Variants in P2RX1 observed in about 807,000 individuals in gnomAD.
P2RX1 encodes the protein purinergic receptor P2X 1.
A neutral mutation model predicts 50.3 loss-of-function variants in P2RX1; 42 were observed. The observed-to-expected ratio is 0.83, with a 90% confidence interval of 0.65 to 1.08. The LOEUF (loss-of-function observed/expected upper bound fraction) is 1.08, where lower values mean the gene tolerates loss of function less well. Among genes scored for constraint, P2RX1 ranks in the 50% least tolerant of loss-of-function variants. The pLI is 0.00. For synonymous variants in P2RX1, 199 were observed against 202.6 expected, an observed-to-expected ratio of 0.98 and a Z score of 0.15; for missense variants, 449 against 529.0, an observed-to-expected ratio of 0.85 and a Z score of 1.48.
At position 3,897,356 on chromosome 17, in the gene P2RX1, G is replaced by A. The variant is rs2056047668; in HGVS notation, c.*458C>T. The A allele has an allele frequency of 7.7e-6, 2 of 259,914 alleles. No homozygotes were observed. The highest frequency in any genetic ancestry group is 1.6e-5 in the Non-Finnish European group (2 of 129,010). The allele number at this position is 259,914 out of a possible 1,614,324, so 16.1% of individuals were successfully genotyped here. A position where few individuals can be genotyped will look rare whatever the true frequency, so the allele number is the denominator to read the frequency against. Reference sequence around the variant, plus strand: ...CAGCCACTAACCACACGTATCTACTGAGCAGTTGAAATGTGGCTAGTTCAG... The same window carrying A: ...CAGCCACTAACCACACGTATCTACTAAGCAGTTGAAATGTGGCTAGTTCAG... On this transcript the variant is annotated 3_prime_UTR_variant, in exon 12 of 12. Coordinates refer to ENST00000225538, the MANE Select transcript of P2RX1 (RefSeq NM_002558.4).
Position 3,916,106 on chromosome 17 carries a change from G to T in P2RX1, c.120C>A (p.Val40=). ...GVIFRLIQLV[V]LVYVIGWVFL... is the part of the protein sequence containing the mutation. ...GGACTCACCCGATGACGTAGACCAGGACCACCAGCTGGATCAGTCGGAAGA... is the reference window on the plus strand; with the variant it reads ...GGACTCACCCGATGACGTAGACCAGTACCACCAGCTGGATCAGTCGGAAGA... The change falls in exon 1 of 12, where the codon GTC becomes GTA. Residue 40 remains valine (V), a synonymous_variant. Coordinates refer to ENST00000225538, the MANE Select transcript of P2RX1 (RefSeq NM_002558.4). 30 of 1,613,614 alleles carry T rather than the reference G, an allele frequency of 1.9e-5. No homozygotes were observed. Among genetic ancestry groups the T allele is most frequent in the Non-Finnish European group, 2.5e-5 (29 of 1,180,000 alleles).
intron 8 of P2RX1, 120 bp downstream of exon 8, chr17:3,899,514 G>A: frequency 7.3e-7 from 1 of 1,362,394 alleles, no homozygotes; most frequent in Middle Eastern, 2.5e-4. Flanking sequence ...GGCAGAATGA[G>A]AGCTGCCCAG....
At chr17:3,913,315 C>T (rs1400181448) in intron 1 of P2RX1, among the ~76,000 whole-genome samples, 7 of 152,032 alleles carry the variant, frequency 4.6e-5, no homozygotes, top group Middle Eastern at 3.4e-3. Context: ...TTAGTAGAGA[C>T]GGGGTTTCAC....
At chr17:3,912,912 G>T (rs2056389284) in intron 1 of P2RX1, among the ~76,000 whole-genome samples, 1 of 152,130 alleles carries the variant, frequency 6.6e-6, no homozygotes, top group Admixed American at 6.5e-5. Context: ...GAGGCGCAGG[G>T]GATGAGTGAG....
In P2RX1 at chr17:3,903,098, C is replaced by T. The variant is rs2056182564; in HGVS notation, c.747+104G>A. 3 of 1,502,316 alleles carry T rather than the reference C, an allele frequency of 2.0e-6. No individual in the cohort carries two copies. In the East Asian group the frequency reaches 6.9e-5, roughly 35 times the overall value. The allele number at this position is 1,502,316 out of a possible 1,614,324, so 93.1% of individuals were successfully genotyped here. ...CAGGGGACAGACCCATACATATACTCAGCCCTCACCGAGGAGACTTGGGAA... is the reference window on the plus strand; with the variant it reads ...CAGGGGACAGACCCATACATATACTTAGCCCTCACCGAGGAGACTTGGGAA... On this transcript the variant is annotated intron_variant, in intron 7 of 11. Coordinates refer to ENST00000225538, the MANE Select transcript of P2RX1 (RefSeq NM_002558.4). This position sits in a 1 kb window ranked among gnomAD's most constrained non-coding sequence, Gnocchi z 4.6.
Position 3,916,076 on chromosome 17 carries a change from C to T in P2RX1, c.137+13G>A, listed in dbSNP as rs563955596. The T allele has an allele frequency of 1.9e-6, 3 of 1,613,076 alleles. No homozygotes were observed. The highest frequency in any genetic ancestry group is 4.5e-5 in the East Asian group (2 of 44,876). ...AGGGGCTGGTGCAGGCAGCGGGAGG[C>T]GCCCGGACTCACCCGATGACGTAGA... On this transcript the variant is annotated intron_variant, in intron 1 of 11. Transcript: ENST00000225538.
chr17:3,903,930 C>A lies in P2RX1; in HGVS notation c.522G>T (p.Pro174=), dbSNP rs62071696. 1.2e-6 allele frequency: 2 copies of A among 1,611,580 alleles called. No individual in the cohort carries two copies. The highest frequency in any genetic ancestry group is 2.2e-5 in the South Asian group (2 of 91,046). Residue 174 remains proline (P), a splice_region_variant and synonymous_variant, in exon 5 of 12, where the codon CCG becomes CCT. Coordinates refer to ENST00000225538, the MANE Select transcript of P2RX1 (RefSeq NM_002558.4). The surrounding 1 kb of genome is among the most constrained non-coding windows in gnomAD (Gnocchi z 4.6). ...WCPVEVDDDI[P]RPALLREAEN... ...TCTCTGGAAGGTCAGAGTGTTACCGCGGGATGTCGTCATCCACCTCCACGG... is the reference window on the plus strand; with the variant it reads ...TCTCTGGAAGGTCAGAGTGTTACCGAGGGATGTCGTCATCCACCTCCACGG...
At chr17:3,902,607 T>G (rs1294036670) in intron 7 of P2RX1, among the ~76,000 whole-genome samples, 2 of 149,612 alleles carry the variant, frequency 1.3e-5, no homozygotes, top group Non-Finnish European at 3.0e-5. Context: ...ATTTTTGTTT[T>G]TGTTTTTTTT....
intron 7 of P2RX1, among the ~76,000 whole-genome samples, chr17:3,901,252 A>T (rs944866935): frequency 3.3e-5 from 5 of 152,188 alleles, no homozygotes; most frequent in Non-Finnish European, 7.3e-5. Flanking sequence ...TATTTTTAGT[A>T]GAGACGGGGT....
chr17:3,903,156 T>A lies in P2RX1; in HGVS notation c.747+46A>T, dbSNP rs755837063. 6.2e-7 allele frequency: 1 copy of A among 1,612,952 alleles called. No homozygotes were observed. The highest frequency in any genetic ancestry group is 8.5e-7 in the Non-Finnish European group (1 of 1,179,822). On this transcript the variant is annotated intron_variant, in intron 7 of 11. Coordinates refer to ENST00000225538, the MANE Select transcript of P2RX1 (RefSeq NM_002558.4). The surrounding 1 kb of genome is among the most constrained non-coding windows in gnomAD (Gnocchi z 4.6). Reference sequence around the variant, plus strand: ...TGGGCCTAAAAAGCCTTTATCAGGATCCTGCGGCCCAGCCCTCCCCACGTG... The same window carrying A: ...TGGGCCTAAAAAGCCTTTATCAGGAACCTGCGGCCCAGCCCTCCCCACGTG...
chr17:3,911,291 T>TTTTCTTTCTTTC (rs35991376), intron 1 of P2RX1, among the ~76,000 whole-genome samples: 1 of 151,140 alleles, frequency 6.6e-6, no homozygotes, highest in African/African-American at 2.4e-5. Flanking sequence ...CCCGGTCTGT[T>TTTTCTTTCTTTC]TTTCTTTCTT....
chr17:3,908,604 C>T (rs898326455), intron 1 of P2RX1, among the ~76,000 whole-genome samples: 4 of 152,172 alleles, frequency 2.6e-5, no homozygotes, highest in African/African-American at 9.7e-5. Context: ...GGTGCCAGGC[C>T]TGCTCCTCCA....
intron 1 of P2RX1, among the ~76,000 whole-genome samples, chr17:3,909,435 C>G (rs1044837943): frequency 6.6e-6 from 1 of 152,236 alleles, no homozygotes; most frequent in African/African-American, 2.4e-5. Flanking sequence ...ACAAATTCCT[C>G]TTTCAATGTT....
chr17:3,907,235 C>G (rs1269723043), intron 1 of P2RX1, among the ~76,000 whole-genome samples: 1 of 151,890 alleles, frequency 6.6e-6, no homozygotes, highest in Non-Finnish European at 1.5e-5. Flanking sequence ...TAACACTCCT[C>G]TCCAGGCTGT....
In P2RX1 at chr17:3,904,577, C is replaced by A. The variant is rs2056223638; in HGVS notation, c.358-178G>T. 3 of 670,582 alleles carry A rather than the reference C, an allele frequency of 4.5e-6. No individual in the cohort carries two copies. In the East Asian group the frequency reaches 8.2e-5, roughly 18 times the overall value. 41.5% of individuals were successfully genotyped at this position (670,582 alleles called of 1,614,324 possible). A position where few individuals can be genotyped will look rare whatever the true frequency, so the allele number is the denominator to read the frequency against. ...CCCCCCACACTGCTCTGCCGAGGCG[C>A]CCCCCGGGCTCATGCCCAGCTGCCC... On this transcript the variant is annotated intron_variant, in intron 3 of 11. Transcript: ENST00000225538.
intron 3 of P2RX1, 110 bp downstream of exon 3, chr17:3,904,748 C>T: frequency 4.8e-6 from 4 of 825,166 alleles, no homozygotes; most frequent in Non-Finnish European, 8.1e-6. Context: ...ATCACTATGG[C>T]CCCTGCAGGA....
chr17:3,911,338 C>CT (rs1250011588), intron 1 of P2RX1, among the ~76,000 whole-genome samples: 2 of 152,074 alleles, frequency 1.3e-5, no homozygotes, highest in Non-Finnish European at 2.9e-5. Flanking sequence ...TCACCAATCT[C>CT]TAAAAACCAA....
At chr17:3,900,044 T>G (rs1597509748) in intron 7 of P2RX1, among the ~76,000 whole-genome samples, 1 of 151,446 alleles carries the variant, frequency 6.6e-6, no homozygotes, top group Non-Finnish European at 1.5e-5. Context: ...GAGGTTGCAG[T>G]GAGCCGAGAT....
chr17:3,904,617 C>G lies in P2RX1; in HGVS notation c.358-218G>C. On this transcript the variant is annotated intron_variant, in intron 3 of 11. Coordinates refer to ENST00000225538, the MANE Select transcript of P2RX1 (RefSeq NM_002558.4). Reference sequence around the variant, plus strand: ...CCCAGCTGCCCACTGCCAATGTCAGCTGGGCGGTGGGGGTGGGCACGAAGT... The same window carrying G: ...CCCAGCTGCCCACTGCCAATGTCAGGTGGGCGGTGGGGGTGGGCACGAAGT... The G allele has an allele frequency of 4.7e-6, 3 of 631,672 alleles. No individual in the cohort carries two copies. In the South Asian group the frequency reaches 5.6e-5, roughly 12 times the overall value. The allele number at this position is 631,672 out of a possible 1,614,324, so 39.1% of individuals were successfully genotyped here. A position where few individuals can be genotyped will look rare whatever the true frequency, so the allele number is the denominator to read the frequency against.
Sources: gnomAD v4.1 joint callset for allele counts (sites outside exome capture counted in the v4.1 genomes callset) on GRCh38, gnomAD v4.1.1 for gene constraint, Gnocchi (gnomAD v3.1) non-coding constraint, MANE v1.5 for transcripts, NCBI Gene and HGNC (gene_info 2026-07-23, HGNC 2026-07-21) for gene names.